ZNF273: variants seen among roughly 807,000 people sequenced by gnomAD.
ZNF273 encodes zinc finger protein 9.
A neutral mutation model predicts 14.9 loss-of-function variants in ZNF273; 11 were observed. The observed-to-expected ratio is 0.74, with a 90% CI of 0.46 to 1.22. The LOEUF is 1.22. Among genes scored for constraint, ZNF273 ranks in the 50% most tolerant of loss-of-function variants. ZNF273 has a pLI of 0.00. For missense variants in ZNF273, 577 were observed against 660.6 expected (o/e 0.87, Z 1.39); for synonymous variants, 199 against 223.9 (o/e 0.89, Z 0.99).
At chr7:64,878,595 T>C (rs1568912) in intron 2 of ZNF273, 143,698 of 152,314 alleles carry the variant, frequency 0.94, 68,347 homozygotes, top group East Asian at 1. Flanking sequence ...ACTCTAGTCC[T>C]GCATTCCCTT....
chr7:64,912,826 G>GTTTTTTGTTGTTGTTTTTTTT, intron 1 of ZNF273, among the ~76,000 whole-genome samples: 26 of 36,562 alleles, frequency 7.1e-4, no homozygotes, highest in Non-Finnish European at 1.1e-3. Context: ...ATTCATTTTA[G>GTTTTTTGTTGTTGTTTTTTTT]TTTTTTTTTT....
At chr7:64,917,890 T>C (rs1794125700) in intron 2 of ZNF273, among the ~76,000 whole-genome samples, 183 bp downstream of exon 2, 1 of 152,166 alleles carries the variant, frequency 6.6e-6, no homozygotes, top group Non-Finnish European at 1.5e-5. Context: ...CTTTCCACGT[T>C]CTTGAGCTAC....
upstream of ZNF273, among the ~76,000 whole-genome samples, chr7:64,902,097 T>C (rs1268353061): frequency 2.0e-5 from 3 of 149,056 alleles, no homozygotes; most frequent in African/African-American, 7.3e-5. Flanking sequence ...CATGAAAAAT[T>C]ACATACTGCT....
intron 3 of ZNF273, among the ~76,000 whole-genome samples, chr7:64,927,184 G>A (rs1794805627): frequency 6.6e-6 from 1 of 152,036 alleles, no homozygotes; most frequent in Admixed American, 6.6e-5. Flanking sequence ...CCTCTACCTT[G>A]TGGGTTCAAG....
intron 1 of ZNF273, among the ~76,000 whole-genome samples, chr7:64,903,831 A>G (rs2129056275): frequency 6.6e-6 from 1 of 152,354 alleles, no homozygotes; most frequent in East Asian, 1.9e-4. Context: ...TCAGACAGTC[A>G]TTCACAAATT....
In ZNF273 at chr7:64,927,942, C is replaced by G; in HGVS notation, c.614C>G (p.Pro205Arg). 6.2e-7 allele frequency: 1 copy of G among 1,613,556 alleles called. No individual in the cohort carries two copies. Among genetic ancestry groups the G allele is most frequent in the Non-Finnish European group, 8.5e-7 (1 of 1,179,848 alleles). ...AAGAAAAGACAAACTGGAAAGAAAC[C>G]TTTCAAATGTAAAGAATGTGGCAAA... ...IHKKRQTGKKPFKCKECGKSC... is the reference protein window; with the variant it reads ...IHKKRQTGKKRFKCKECGKSC... The change falls in exon 4 of 4, where the codon CCT (proline) becomes CGT (arginine). Residue 205 changes from proline to arginine, a missense_variant. By Grantham distance (103) the Pro-to-Arg change is moderately radical. Around this residue, in one of 3 missense-constraint regions of ZNF273, gnomAD observed 411 missense variants for 440.4 expected, o/e 0.93. Transcript: ENST00000476120.
At chr7:64,922,502 G>C (rs1024890732) in intron 3 of ZNF273, among the ~76,000 whole-genome samples, 1 of 151,412 alleles carries the variant, frequency 6.6e-6, no homozygotes, top group African/African-American at 2.4e-5. Context: ...AGTAGAGATG[G>C]GGTTTCATCA....
At chr7:64,906,261 T>TA (rs1793102898) in intron 1 of ZNF273, among the ~76,000 whole-genome samples, 1 of 152,240 alleles carries the variant, frequency 6.6e-6, no homozygotes, top group Non-Finnish European at 1.5e-5. Context: ...TGTCCTGTTA[T>TA]CTTGATTTCT....
Position 64,928,255 on chromosome 7 carries a change from GATAATTC to G in ZNF273, c.931_937del (p.Ile311GlnfsTer26). ...TATTTTCAGTCCTTACTAAACATAAGATAATTCATACAGGAACAAAACCCTACAATTG... is the reference window on the plus strand; with the variant it reads ...TATTTTCAGTCCTTACTAAACATAAGATACAGGAACAAAACCCTACAATTG... On this transcript the variant is annotated frameshift_variant, in exon 4 of 4. Transcript: ENST00000476120. LOFTEE classifies it low-confidence loss of function (END_TRUNC). The G allele has an allele frequency of 1.2e-6, 2 of 1,612,834 alleles. No individual in the cohort carries two copies. The highest frequency in any genetic ancestry group is 1.7e-6 in the Non-Finnish European group (2 of 1,179,580).
chr7:64,889,351 G>T, downstream of ZNF273: 8 of 960,584 alleles, frequency 8.3e-6, no homozygotes, highest in Non-Finnish European at 9.9e-6. This position sits in a 1 kb window ranked among gnomAD's most constrained non-coding sequence, Gnocchi z 4.2. Context: ...CCAACAGCTG[G>T]TGCTGAGGGT....
At chr7:64,878,581 T>G (rs928091111) in intron 2 of ZNF273, 2 of 152,236 alleles carry the variant, frequency 1.3e-5, no homozygotes, top group African/African-American at 2.4e-5. Context: ...AGAAGGTGCT[T>G]CCAACTCTAG....
At chr7:64,878,125 G>T (rs1791163350) in intron 1 of ZNF273, among the ~76,000 whole-genome samples, 4 of 152,102 alleles carry the variant, frequency 2.6e-5, no homozygotes, top group Admixed American at 2.6e-4. Flanking sequence ...CTTTTGAGTC[G>T]GCTGACCTTT....
chr7:64,883,017 A>C (rs78212816), downstream of ZNF273, among the ~76,000 whole-genome samples: 1,396 of 152,212 alleles, frequency 9.2e-3, 16 homozygotes, highest in African/African-American at 0.032. Flanking sequence ...GTGTGCGTGA[A>C]GGCGGCGTCC....
At chr7:64,894,439 C>G (rs1037743599), downstream of ZNF273, among the ~76,000 whole-genome samples, 1 of 152,042 alleles carries the variant, frequency 6.6e-6, no homozygotes, top group Non-Finnish European at 1.5e-5. Flanking sequence ...TACAAACAAA[C>G]TTTACAGATT....
chr7:64,922,168 G>A (rs1794514472), intron 3 of ZNF273, among the ~76,000 whole-genome samples: 1 of 148,506 alleles, frequency 6.7e-6, no homozygotes, highest in Non-Finnish European at 1.5e-5. Flanking sequence ...TTCGAGATAG[G>A]ATCTCATTCC....
At chr7:64,914,005 G>GT (rs1793759490) in intron 1 of ZNF273, among the ~76,000 whole-genome samples, 1 of 151,226 alleles carries the variant, frequency 6.6e-6, no homozygotes, top group Admixed American at 6.6e-5. Flanking sequence ...AGTAATTGTC[G>GT]TTTTCGCCTT....
chr7:64,913,251 C>G (rs1793698393), intron 1 of ZNF273, among the ~76,000 whole-genome samples: 1 of 152,112 alleles, frequency 6.6e-6, no homozygotes, highest in African/African-American at 2.4e-5. Context: ...CTGTGTCTCT[C>G]TCATCTGTCT....
At chr7:64,881,195 G>A (rs1022373882), downstream of ZNF273, among the ~76,000 whole-genome samples, 1 of 152,210 alleles carries the variant, frequency 6.6e-6, no homozygotes, top group Non-Finnish European at 1.5e-5. Flanking sequence ...GCCAGCTCCC[G>A]ATTTCCGCAG....
intron 2 of ZNF273, among the ~76,000 whole-genome samples, chr7:64,879,246 C>A (rs1002748656): frequency 6.6e-6 from 1 of 152,056 alleles, no homozygotes; most frequent in South Asian, 2.1e-4. Flanking sequence ...GGCTGCAGGC[C>A]AGATTGTGGG....
Sources: gnomAD v4.1 joint callset for allele counts (sites outside exome capture counted in the v4.1 genomes callset) on GRCh38, gnomAD v4.1.1 for gene constraint, gnomAD v4.1.1 regional missense constraint, Gnocchi (gnomAD v3.1) non-coding constraint, MANE v1.5 for transcripts, NCBI Gene and HGNC (gene_info 2026-07-23, HGNC 2026-07-21) for gene names.